SDK1: variants seen among roughly 807,000 people sequenced by gnomAD.
The protein encoded by SDK1 is protein sidekick-1.
Under a neutral mutation model 245.5 loss-of-function variants are expected in SDK1, and 157 were observed. The observed-to-expected ratio is 0.64, with a 90% confidence interval of 0.56 to 0.73. The LOEUF (loss-of-function observed/expected upper bound fraction) is 0.73. Among genes scored for constraint, SDK1 ranks in the 30% least tolerant of loss-of-function variants. The probability of loss-of-function intolerance (pLI) is 0.00; values close to 1 mark genes in which losing one functional copy is unlikely to be tolerated. For missense variants in SDK1, 3,583 were observed against 3,002.3 expected (o/e 1.19, Z -4.52); for synonymous variants, 1,647 against 1,278.5 (o/e 1.29, Z -6.15).
intron 13 of SDK1, 113 bp from the exon 14 acceptor site, chr7:3,987,073 T>G (rs528665378): frequency 9.8e-7 from 1 of 1,015,526 alleles, no homozygotes; most frequent in African/African-American, 1.6e-5. Context: ...ATATTTTATG[T>G]TATTCATTTC....
chr7:3,317,232 A>C (rs964359795), intron 1 of SDK1, among the ~76,000 whole-genome samples: 1 of 151,698 alleles, frequency 6.6e-6, no homozygotes, highest in Admixed American at 6.6e-5. Flanking sequence ...GTGCTTAATA[A>C]ACATTGCTAG....
chr7:3,978,547 G>A (rs746738514), intron 13 of SDK1, among the ~76,000 whole-genome samples: 1 of 152,164 alleles, frequency 6.6e-6, no homozygotes. Context: ...TGTCACGAAG[G>A]CTCCTCTATC....
intron 9 of SDK1, among the ~76,000 whole-genome samples, chr7:3,963,752 C>G (rs547154731): frequency 3.3e-5 from 5 of 151,794 alleles, no homozygotes; most frequent in African/African-American, 1.2e-4. Context: ...CCATGGCTAT[C>G]TGGATGTAAC....
chr7:3,866,901 G>A (rs1780835688), intron 5 of SDK1, among the ~76,000 whole-genome samples: 1 of 152,168 alleles, frequency 6.6e-6, no homozygotes, highest in African/African-American at 2.4e-5. Flanking sequence ...ACTGCCGAGA[G>A]AACACGTGGC....
At position 4,149,382 on chromosome 7, in the gene SDK1, A is replaced by C. The variant is rs1429952001; in HGVS notation, c.4544A>C (p.Gln1515Pro). ...GASPIRYFTMQVRELPRGEWQ... is the reference protein window; with the variant it reads ...GASPIRYFTMPVRELPRGEWQ... ...TCCCCCATCCGGTACTTCACCATGC[A>C]GGTGCGAGAGCTGCCTCGGGGTGAG... Residue 1515 changes from glutamine to proline, a missense_variant, in exon 30 of 45, where the codon CAG (glutamine) becomes CCG (proline). Coordinates refer to ENST00000404826, the MANE Select transcript of SDK1 (RefSeq NM_152744.4). The C allele has an allele frequency of 6.3e-7, 1 of 1,589,342 alleles. No individual in the cohort carries two copies.
At chr7:3,820,950 C>A (rs1202207509) in intron 4 of SDK1, among the ~76,000 whole-genome samples, 1 of 152,244 alleles carries the variant, frequency 6.6e-6, no homozygotes, top group Non-Finnish European at 1.5e-5. Flanking sequence ...AGGGGGGCAG[C>A]ACTGTGCCCA....
chr7:3,975,800 A>G (rs573496121), intron 13 of SDK1, among the ~76,000 whole-genome samples: 1 of 152,328 alleles, frequency 6.6e-6, no homozygotes, highest in East Asian at 1.9e-4. Flanking sequence ...TAGATAGCAG[A>G]GGTAATTGTG....
chr7:3,648,193 A>T (rs1782906603), intron 4 of SDK1, among the ~76,000 whole-genome samples: 1 of 152,182 alleles, frequency 6.6e-6, no homozygotes, highest in Non-Finnish European at 1.5e-5. Flanking sequence ...TTATTTCTCA[A>T]AATATGAAAT....
rs760580349 is a variant in SDK1, at chr7:3,635,795, C to A, written c.459-3209C>A. 1.2e-3 allele frequency among the ~76,000 whole-genome samples: 187 copies of A among 152,286 alleles called. 1 individual carries two copies. Among genetic ancestry groups the A allele is most frequent in the Non-Finnish European group, 5.0e-4 (34 of 68,026 alleles). Reference sequence around the variant, plus strand: ...GATTTTGGCTCACTGCAACCTCCACCTCCCGGGGTCAGGTGATCTTCCCAC... The same window carrying A: ...GATTTTGGCTCACTGCAACCTCCACATCCCGGGGTCAGGTGATCTTCCCAC... On this transcript the variant is annotated intron_variant, in intron 2 of 44. Coordinates refer to ENST00000404826, the MANE Select transcript of SDK1 (RefSeq NM_152744.4).
chr7:4,089,171 G>T (rs76793033), intron 22 of SDK1, among the ~76,000 whole-genome samples: 2 of 151,768 alleles, frequency 1.3e-5, no homozygotes, highest in South Asian at 4.2e-4. Flanking sequence ...TGCGACCCTC[G>T]TGGGCATCTG....
chr7:3,865,039 C>A (rs1347233344), intron 5 of SDK1, among the ~76,000 whole-genome samples: 2 of 152,184 alleles, frequency 1.3e-5, no homozygotes, highest in African/African-American at 4.8e-5. Flanking sequence ...CAGTCTCCTA[C>A]CACTCAGACG....
At chr7:3,488,216 C>A (rs1034454352) in intron 1 of SDK1, among the ~76,000 whole-genome samples, 1 of 152,156 alleles carries the variant, frequency 6.6e-6, no homozygotes, top group Non-Finnish European at 1.5e-5. Context: ...CACTCCTCCT[C>A]CCCAATTTTA....
At chr7:3,477,579 G>T (rs547491512) in intron 1 of SDK1, among the ~76,000 whole-genome samples, 3 of 150,596 alleles carry the variant, frequency 2.0e-5, no homozygotes, top group Admixed American at 6.6e-5. Flanking sequence ...CAGTGGTGCA[G>T]TCATAGCTCG....
chr7:3,719,244 G>T (rs1392595024), intron 4 of SDK1, among the ~76,000 whole-genome samples: 1 of 134,292 alleles, frequency 7.4e-6, no homozygotes, highest in Non-Finnish European at 1.6e-5. Flanking sequence ...ACCCAGAAAG[G>T]TTTTTTTTTT....
At chr7:3,618,519 G>A (rs955889816) in intron 1 of SDK1, among the ~76,000 whole-genome samples, 22 of 152,298 alleles carry the variant, frequency 1.4e-4, no homozygotes, top group African/African-American at 4.3e-4. Context: ...GCTGCAGTGC[G>A]CTGTTCCATT....
chr7:4,231,634 G>C (rs546286462), intron 40 of SDK1, among the ~76,000 whole-genome samples: 1 of 152,008 alleles, frequency 6.6e-6, no homozygotes, highest in South Asian at 2.1e-4. Flanking sequence ...CAGAGAGGGA[G>C]GGAGGGAGGG....
At chr7:4,025,538 A>C (rs1787275702) in intron 17 of SDK1, among the ~76,000 whole-genome samples, 1 of 152,106 alleles carries the variant, frequency 6.6e-6, no homozygotes, top group African/African-American at 2.4e-5. Context: ...AACCAATCTA[A>C]GTTACTGTGA....
intron 8 of SDK1, among the ~76,000 whole-genome samples, chr7:3,959,400 C>T (rs1781502779): frequency 6.6e-6 from 1 of 152,052 alleles, no homozygotes; most frequent in Admixed American, 6.6e-5. Flanking sequence ...GACTGGTGAG[C>T]ACAGCCACTC....
intron 14 of SDK1, among the ~76,000 whole-genome samples, chr7:3,988,519 A>G (rs540542365): frequency 3.9e-5 from 6 of 152,116 alleles, no homozygotes; most frequent in Non-Finnish European, 7.4e-5. Flanking sequence ...ATAGAAGCCA[A>G]ATGCCTCGCT....
Sources: allele counts gnomAD v4.1 joint callset (sites outside exome capture counted in the v4.1 genomes callset), GRCh38; gene constraint gnomAD v4.1.1; transcripts MANE v1.5; gene names NCBI Gene and HGNC (gene_info 2026-07-23, HGNC 2026-07-21).